Variants in NLRP11 observed in about 807,000 individuals in gnomAD.
The protein encoded by NLRP11 is NLR family pyrin domain containing 11.
Under a neutral mutation model 79.3 loss-of-function variants are expected in NLRP11, and 53 were observed. The ratio of observed to expected loss-of-function variants is 0.67; its 90% confidence interval spans 0.54 to 0.84. The LOEUF is 0.84. NLRP11 is among the 40% of genes least tolerant of loss of function. The pLI is 0.00. For synonymous variants in NLRP11, 518 were observed against 462.6 expected (o/e 1.12, Z -1.54); for missense variants, 1,264 against 1,255.0 (o/e 1.01, Z -0.11).
chr19:55,796,924 G>A (rs982988141), intron 5 of NLRP11, among the ~76,000 whole-genome samples: 1 of 151,954 alleles, frequency 6.6e-6, no homozygotes, highest in Non-Finnish European at 1.5e-5. Flanking sequence ...CCCGGCCTCA[G>A]GGGATCCACC....
chr19:55,810,162 A>G, exon 3 of NLRP11: 2 of 1,614,096 alleles, frequency 1.2e-6, no homozygotes, highest in Non-Finnish European at 1.7e-6. Context: ...CCCATCAGGA[A>G]CACATTGAGA....
exon 2 of NLRP11, chr19:55,818,192 G>C (rs771712690): frequency 6.2e-7 from 1 of 1,604,828 alleles, no homozygotes; most frequent in Non-Finnish European, 8.5e-7. Flanking sequence ...CTCCAGGGAA[G>C]GCAGACTTCA....
At chr19:55,799,338 A>C (rs991785389) in intron 5 of NLRP11, among the ~76,000 whole-genome samples, 1 of 152,208 alleles carries the variant, frequency 6.6e-6, no homozygotes, top group Non-Finnish European at 1.5e-5. Context: ...GTTTGTAAAT[A>C]AGTACCTAAG....
intron 7 of NLRP11, 50 bp downstream of exon 7, chr19:55,792,250 GC>G: frequency 1.3e-6 from 2 of 1,517,984 alleles, no homozygotes; most frequent in Non-Finnish European, 1.8e-6. Context: ...CACCACCCAA[GC>G]CCTCATGCAG....
At chr19:55,836,447 A>C (rs1276730742), upstream of NLRP11, 1 of 152,146 alleles carries the variant, frequency 6.6e-6, no homozygotes, top group Non-Finnish European at 1.5e-5. Flanking sequence ...TCTGTTCATC[A>C]AAAGCCCTCT....
chr19:55,796,597 C>A (rs923850178), intron 5 of NLRP11, among the ~76,000 whole-genome samples: 2 of 152,126 alleles, frequency 1.3e-5, no homozygotes, highest in African/African-American at 4.8e-5. Context: ...CTGATCAAGA[C>A]CCTCAACTTA....
intron 1 of NLRP11, among the ~76,000 whole-genome samples, chr19:55,828,294 A>T (rs917402844): frequency 6.6e-6 from 1 of 150,448 alleles, no homozygotes; most frequent in Non-Finnish European, 1.5e-5. Flanking sequence ...GAGGGAGAGC[A>T]TTGGGAGATA....
At chr19:55,812,925 G>A (rs983934663) in intron 2 of NLRP11, among the ~76,000 whole-genome samples, 2 of 152,070 alleles carry the variant, frequency 1.3e-5, no homozygotes, top group Admixed American at 6.6e-5. Context: ...TTAATAATGT[G>A]CATTTTCCAC....
intron 6 of NLRP11, among the ~76,000 whole-genome samples, chr19:55,793,650 T>C (rs2122729669): frequency 7.1e-6 from 1 of 141,718 alleles, no homozygotes; most frequent in South Asian, 2.3e-4. Flanking sequence ...GGGAAAAGGG[T>C]ACACTAGACC....
In NLRP11 at chr19:55,813,082, C is replaced by G. The variant is rs10415933; in HGVS notation, c.272-2744G>C. ...GCGACTCACACCTGTAATCACAGCA[C>G]TTTGGGAGGCGAAGGCGGGCAGATC... On this transcript the variant is annotated intron_variant, in intron 2 of 9. Coordinates refer to ENST00000589093, the Ensembl canonical transcript of NLRP11. 4.7e-3 allele frequency among the ~76,000 whole-genome samples: 712 copies of G among 152,250 alleles called. 8 individuals carry two copies. The highest frequency in any genetic ancestry group is 0.017 in the African/African-American group (686 of 41,544).
chr19:55,791,670 A>AT lies in NLRP11; in HGVS notation c.2513+630dup, dbSNP rs201320971. On this transcript the variant is annotated intron_variant, in intron 7 of 9. Transcript: ENST00000589093. ...ACAACTCCAAGGCATTTTTTAAACA[A>AT]TTTTTTTTTCAGGCAAGTGGGAGAA... Among the ~76,000 whole-genome samples, 45 of 151,592 alleles carry AT rather than the reference A, an allele frequency of 3.0e-4. 1 individual carries two copies. The highest frequency in any genetic ancestry group is 1.9e-3 in the East Asian group (10 of 5,172).
chr19:55,817,881 A>T (rs1326667829), intron 2 of NLRP11, 23 bp downstream of exon 2: 2 of 1,566,954 alleles, frequency 1.3e-6, no homozygotes, highest in Non-Finnish European at 8.7e-7. Flanking sequence ...ATTTCTGCCC[A>T]CCCTTCTCGT....
In NLRP11 at chr19:55,807,179, ATTC is replaced by A. The variant is rs1293653266; in HGVS notation, c.2003+671_2003+673del. 1.1e-3 allele frequency among the ~76,000 whole-genome samples: 173 copies of A among 152,310 alleles called. 2 individuals are homozygous for A. Among genetic ancestry groups the A allele is most frequent in the Non-Finnish European group, 2.2e-4 (15 of 68,028 alleles). ...GACTAGCACCTCAAACAAAGTAGGC[ATTC>A]TTCTTGAATGAAAATAAAGTTAACT... On this transcript the variant is annotated intron_variant, in intron 4 of 9. Coordinates refer to ENST00000589093, the Ensembl canonical transcript of NLRP11.
intron 4 of NLRP11, among the ~76,000 whole-genome samples, chr19:55,804,643 G>A (rs1979810338): frequency 6.6e-6 from 1 of 151,990 alleles, no homozygotes; most frequent in South Asian, 2.1e-4. Context: ...AAATAAATGA[G>A]TACTAGGCTT....
At position 55,807,972 on chromosome 19, in the gene NLRP11, AAG is replaced by A. The variant is rs1980166836; in HGVS notation, c.1882_1883del (p.Leu628PhefsTer14). ...CCCGGAGGCTCTCCATTGTATAAAA[AAG>A]AGAGCAGATCTCTCTCCAGTAGACA... is the stretch of plus-strand genomic sequence containing the variant. On this transcript the variant is annotated frameshift_variant, in exon 4 of 10. Transcript: ENST00000589093. LOFTEE classifies it high-confidence loss of function. 1.2e-6 allele frequency: 2 copies of A among 1,612,370 alleles called. No individual in the cohort carries two copies. The highest frequency in any genetic ancestry group is 1.7e-6 in the Non-Finnish European group (2 of 1,178,536).
intron 2 of NLRP11, among the ~76,000 whole-genome samples, chr19:55,815,855 A>C (rs1235341090): frequency 6.6e-6 from 1 of 152,314 alleles, no homozygotes; most frequent in East Asian, 1.9e-4. Context: ...GGACAGGGGT[A>C]TGTGATAAGC....
intron 1 of NLRP11, among the ~76,000 whole-genome samples, chr19:55,827,110 G>A (rs925658582): frequency 5.7e-5 from 8 of 140,806 alleles, no homozygotes; most frequent in Non-Finnish European, 9.0e-5. Flanking sequence ...AAATAATGCC[G>A]CATACCTACA....
At chr19:55,812,378 C>G (rs763000346) in intron 2 of NLRP11, among the ~76,000 whole-genome samples, 9 of 152,074 alleles carry the variant, frequency 5.9e-5, no homozygotes, top group Non-Finnish European at 1.3e-4. Context: ...ATTGGCCTAA[C>G]AAGCACAGAG....
chr19:55,811,255 G>A (rs1171301767), intron 2 of NLRP11, among the ~76,000 whole-genome samples: 2 of 152,146 alleles, frequency 1.3e-5, no homozygotes, highest in African/African-American at 4.8e-5. Context: ...CACTCCCACT[G>A]CAAAAACAAA....
Sources: gnomAD v4.1 joint callset for allele counts (sites outside exome capture counted in the v4.1 genomes callset) on GRCh38, gnomAD v4.1.1 for gene constraint, MANE v1.5 for transcripts, NCBI Gene and HGNC (gene_info 2026-07-23, HGNC 2026-07-21) for gene names.